Variants in SEMA4F observed in about 807,000 individuals in gnomAD.
SEMA4F encodes the protein ssemaphorin 4F, also known as semaphorin-4F.
Under a neutral mutation model 78.4 loss-of-function variants are expected in SEMA4F, and 51 were observed. The ratio of observed to expected loss-of-function variants is 0.65; its 90% CI spans 0.52 to 0.82. The LOEUF is 0.82. SEMA4F is among the 40% of genes least tolerant of loss of function. The probability of loss-of-function intolerance (pLI) is 0.00; values close to 1 mark genes in which losing one functional copy is unlikely to be tolerated. For synonymous variants in SEMA4F, 418 were observed against 408.7 expected (o/e 1.02, Z -0.27); for missense variants, 938 against 1,014.4 (o/e 0.92, Z 1.02).
rs753109312 is a variant in SEMA4F at position 74,679,805 on chromosome 2, C to T, written c.1909C>T (p.His637Tyr). Residue 637 changes from histidine (H) to tyrosine (Y), a missense_variant, in exon 14 of 14, where the codon CAT becomes TAT. Transcript: ENST00000357877. ...ACECQEGGAA[H>Y]VVAAYSLVWG... ...TGAATGTCAGGAGGGTGGGGCAGCC[C>T]ATGTGGTAGCAGCTTACAGCTTGGT... 17 of 1,614,188 alleles carry T rather than the reference C, an allele frequency of 1.1e-5. No homozygotes were observed. The highest frequency in any genetic ancestry group is 5.5e-5 in the South Asian group (5 of 91,082).
Position 74,680,178 on chromosome 2 carries a change from C to T in SEMA4F, c.2282C>T (p.Pro761Leu), listed in dbSNP as rs1685537564. 1 of 1,590,556 alleles carries T rather than the reference C, an allele frequency of 6.3e-7. No homozygotes were observed. Among genetic ancestry groups the T allele is most frequent in the Admixed American group, 1.7e-5 (1 of 58,848 alleles). ...GCCCACATTCGGCTAACTGGGGCTC[C>T]TCTAGCCACATGTGATGAAACATCC... ...SPAHIRLTGA[P>L]LATCDETSI is the part of the protein sequence containing the mutation. Residue 761 changes from proline to leucine, a missense_variant, in exon 14 of 14, where the codon CCT (proline) becomes CTT (leucine). Coordinates refer to ENST00000357877, the MANE Select transcript of SEMA4F (RefSeq NM_004263.5).
intron 4 of SEMA4F, among the ~76,000 whole-genome samples, chr2:74,661,857 T>C (rs868833874): frequency 3.3e-5 from 5 of 152,322 alleles, no homozygotes; most frequent in Middle Eastern, 3.4e-3. Context: ...CCCACGCCAG[T>C]TTGTGAACTA....
At position 74,679,639 on chromosome 2, in the gene SEMA4F, G is replaced by C; in HGVS notation, c.1743G>C (p.Ala581=). Residue 581 remains alanine (A), a synonymous_variant, in exon 14 of 14, where the codon GCG becomes GCC. Coordinates refer to ENST00000357877, the MANE Select transcript of SEMA4F (RefSeq NM_004263.5). ...TTGAAGTTCCCGTGGCTACAGCTGC[G>C]CATGTGGTCTTGCCATGTTCTCCAA... ...VVFEVPVATA[A]HVVLPCSPSS... is the part of the protein sequence containing the mutation. 1 of 1,610,280 alleles carries C rather than the reference G, an allele frequency of 6.2e-7. No individual in the cohort carries two copies. The highest frequency in any genetic ancestry group is 8.5e-7 in the Non-Finnish European group (1 of 1,177,898).
chr2:74,658,716 C>G lies in SEMA4F; in HGVS notation c.456+765C>G, dbSNP rs1271867092. 6.6e-6 allele frequency among the ~76,000 whole-genome samples: 1 copy of G among 152,240 alleles called. No homozygotes were observed. The highest frequency in any genetic ancestry group is 2.4e-5 in the African/African-American group (1 of 41,462). On this transcript the variant is annotated intron_variant, in intron 4 of 13. Coordinates refer to ENST00000357877, the MANE Select transcript of SEMA4F (RefSeq NM_004263.5). This position sits in a 1 kb window ranked among gnomAD's most constrained non-coding sequence, Gnocchi z 4.3. ...CCCATCTGTTACACAGTAGTCAGCA[C>G]TGGTCTTTTGGCAGCTCACATTTGT...
chr2:74,654,454 G>C lies in SEMA4F; in HGVS notation c.78G>C (p.Ala26=). Residue 26 remains alanine (A), a synonymous_variant, in exon 1 of 14, where the codon GCG becomes GCC. Transcript: ENST00000357877. ...TASPFPLLLL[A]VLSGPVSGRV... ...CGCCCTTCCCGCTACTGCTGCTGGC[G>C]GTGCTGAGCGGCCCGGTATCCGGCC... 6.4e-7 allele frequency: 1 copy of C among 1,574,766 alleles called. No homozygotes were observed. The highest frequency in any genetic ancestry group is 8.6e-7 in the Non-Finnish European group (1 of 1,165,760).
At chr2:74,694,338 A>T in the SEMA4F span, among the ~76,000 whole-genome samples, 1 of 151,992 alleles carries the variant, frequency 6.6e-6, no homozygotes, top group African/African-American at 2.4e-5. Flanking sequence ...GGGGCCAGAC[A>T]CCTTGGCAGG....
chr2:74,685,835 A>G (rs1685811677), downstream of SEMA4F, among the ~76,000 whole-genome samples: 1 of 152,226 alleles, frequency 6.6e-6, no homozygotes, highest in African/African-American at 2.4e-5. Context: ...GCGAATATCC[A>G]GGATCTACAA....
At chr2:74,701,320 A>T in the SEMA4F span, among the ~76,000 whole-genome samples, 1 of 152,016 alleles carries the variant, frequency 6.6e-6, no homozygotes, top group Non-Finnish European at 1.5e-5. Flanking sequence ...TTTCAGCTAC[A>T]TTCTCATCAA....
chr2:74,694,165 T>C, the SEMA4F span, among the ~76,000 whole-genome samples: 1 of 152,220 alleles, frequency 6.6e-6, no homozygotes, highest in Non-Finnish European at 1.5e-5. Flanking sequence ...CATGTGTGTG[T>C]GCGTGCTTCT....
At chr2:74,684,164 C>T (rs1685759402), downstream of SEMA4F, among the ~76,000 whole-genome samples, 1 of 151,580 alleles carries the variant, frequency 6.6e-6, no homozygotes, top group African/African-American at 2.4e-5. Context: ...ATTGAGATTG[C>T]CTTGTAATTC....
chr2:74,679,872 T>C lies in SEMA4F; in HGVS notation c.1976T>C (p.Val659Ala). The C allele has an allele frequency of 6.2e-7, 1 of 1,614,154 alleles. No homozygotes were observed. Among genetic ancestry groups the C allele is most frequent in the Non-Finnish European group, 8.5e-7 (1 of 1,180,012 alleles). The change falls in exon 14 of 14, where the codon GTG becomes GCG. Residue 659 changes from valine (V) to alanine (A), a missense_variant. Val to Ala is a moderately conservative substitution (Grantham distance 64, BLOSUM62 0). Coordinates refer to ENST00000357877, the MANE Select transcript of SEMA4F (RefSeq NM_004263.5). ...GATGCTCCGAGCCGGGCCCACACAGTGGGGGCGGGACTGGCTGGCTTCTTC... is the reference window on the plus strand; with the variant it reads ...GATGCTCCGAGCCGGGCCCACACAGCGGGGGCGGGACTGGCTGGCTTCTTC... ...QRDAPSRAHT[V>A]GAGLAGFFLG...
chr2:74,691,000 A>G, the SEMA4F span, among the ~76,000 whole-genome samples: 3 of 152,186 alleles, frequency 2.0e-5, no homozygotes, highest in African/African-American at 4.8e-5. Flanking sequence ...TAGCCATCCT[A>G]TTAGATTTTC....
In SEMA4F at chr2:74,657,771, C is replaced by T. The variant is rs560836381; in HGVS notation, c.358-82C>T. 7.1e-6 allele frequency: 10 copies of T among 1,414,358 alleles called. No homozygotes were observed. In the African/African-American group the frequency reaches 9.8e-5, roughly 14 times the overall value. 87.6% of individuals were successfully genotyped at this position (1,414,358 alleles called of 1,614,324 possible). A position where few individuals can be genotyped will look rare whatever the true frequency, so the allele number is the denominator to read the frequency against. On this transcript the variant is annotated intron_variant, in intron 3 of 13. Coordinates refer to ENST00000357877, the MANE Select transcript of SEMA4F (RefSeq NM_004263.5). The stretch of plus-strand genomic sequence containing the variant: ...TCACCCATCATCTCTGATCCCAAAG[C>T]TGCATCTAACTGTCCTGACGTTACC...
rs373061398 is a variant in SEMA4F, at chr2:74,679,963, G to A, written c.2067G>A (p.Gln689=). Residue 689 remains glutamine (Q), a synonymous_variant, in exon 14 of 14, where the codon CAG becomes CAA. Coordinates refer to ENST00000357877, the MANE Select transcript of SEMA4F (RefSeq NM_004263.5). ...LIGRRQQRRR[Q]RELLARDKVG... is the part of the protein sequence containing the mutation. ...GTCGGCGTCAGCAGCGACGGCGACA[G>A]AGGGAACTTCTGGCTAGAGACAAGG... The A allele has an allele frequency of 3.5e-5, 56 of 1,614,134 alleles. 1 individual carries two copies. The highest frequency in any genetic ancestry group is 2.7e-4 in the Admixed American group (16 of 60,014).
intron 2 of SEMA4F, among the ~76,000 whole-genome samples, chr2:74,657,354 C>T (rs1182420915): frequency 6.6e-6 from 1 of 152,106 alleles, no homozygotes; most frequent in Admixed American, 6.5e-5. Context: ...TTGATATATT[C>T]TATTTCATTA....
chr2:74,686,761 G>T (rs1416428077), downstream of SEMA4F, among the ~76,000 whole-genome samples: 2 of 151,740 alleles, frequency 1.3e-5, no homozygotes, highest in African/African-American at 4.9e-5. Context: ...ATCATTCTGA[G>T]CAAACTATCA....
intron 4 of SEMA4F, among the ~76,000 whole-genome samples, chr2:74,661,736 A>G (rs1271575712): frequency 6.6e-6 from 1 of 152,220 alleles, no homozygotes; most frequent in Non-Finnish European, 1.5e-5. Context: ...ATCTAGAACA[A>G]GAGATGAGTA....
intron 8 of SEMA4F, 28 bp from the exon 9 acceptor site, chr2:74,674,860 A>T (rs773783912): frequency 1.2e-6 from 2 of 1,610,832 alleles, no homozygotes; most frequent in African/African-American, 2.7e-5. Flanking sequence ...ACCCCTCCAT[A>T]TATCCAGCTC....
chr2:74,687,457 T>C (rs145413272), downstream of SEMA4F, among the ~76,000 whole-genome samples: 1 of 152,384 alleles, frequency 6.6e-6, no homozygotes, highest in Non-Finnish European at 1.5e-5. Context: ...GCAAACTCCA[T>C]GAAAGCCTGA....
Sources: gnomAD v4.1 joint callset for allele counts (sites outside exome capture counted in the v4.1 genomes callset) on GRCh38, gnomAD v4.1.1 for gene constraint, Gnocchi (gnomAD v3.1) non-coding constraint, MANE v1.5 for transcripts, NCBI Gene and HGNC (gene_info 2026-07-23, HGNC 2026-07-21) for gene names.